PCDHGA5: variants seen among roughly 807,000 people sequenced by gnomAD.
PCDHGA5 encodes protocadherin gamma subfamily A, 5, also known as protocadherin gamma-A5.
A neutral mutation model predicts 56.7 loss-of-function variants in PCDHGA5; 36 were observed. The ratio of observed to expected loss-of-function variants is 0.64; its 90% confidence interval spans 0.49 to 0.84. The LOEUF is 0.84. Ranked by LOEUF, PCDHGA5 falls within the 40% of genes least tolerant of loss-of-function variation. The pLI, the probability that PCDHGA5 is intolerant of heterozygous loss-of-function variation, is 0.00. For missense variants in PCDHGA5, 1,305 were observed against 1,201.5 expected, an observed-to-expected ratio of 1.09 and a Z score of -1.27; for synonymous variants, 563 against 520.2, an observed-to-expected ratio of 1.08 and a Z score of -1.12.
At chr5:141,408,815 C>T (rs770899981) in intron 1 of PCDHGA5, 1 of 1,613,406 alleles carries the variant, frequency 6.2e-7, no homozygotes, top group Non-Finnish European at 8.5e-7. Flanking sequence ...CCGGGAAGAA[C>T]AGAGATCTCA....
intron 1 of PCDHGA5, among the ~76,000 whole-genome samples, chr5:141,451,498 C>A (rs2098717552): frequency 6.6e-6 from 1 of 152,208 alleles, no homozygotes; most frequent in South Asian, 2.1e-4. Flanking sequence ...CTCCATAGGG[C>A]AACCAGCTTC....
Position 141,510,868 on chromosome 5 carries a change from T to C in PCDHGA5, c.2570-79T>C, listed in dbSNP as rs2099883142. 40 of 1,608,466 alleles carry C rather than the reference T, an allele frequency of 2.5e-5. No homozygotes were observed. The Middle Eastern group carries it at 4.9e-4, about 20-fold the overall frequency. On this transcript the variant is annotated intron_variant, in intron 3 of 3. Transcript: ENST00000518069. The stretch of plus-strand genomic sequence containing the variant: ...GCCCAGGGTGCTGTATAGGCATTCA[T>C]TAACTGCTGGGGATATAAGACAGTG...
Position 141,375,902 on chromosome 5 carries a change from C to A in PCDHGA5, c.2421+9151C>A. The stretch of plus-strand genomic sequence containing the variant: ...GGGCCAGAACGCCTGGCTGTCCTAC[C>A]GCCTGCTCAAGGCCAGCGAGCCAGG... On this transcript the variant is annotated intron_variant, in intron 1 of 3. Coordinates refer to ENST00000518069, the MANE Select transcript of PCDHGA5 (RefSeq NM_018918.3). 5 of 1,613,784 alleles carry A rather than the reference C, an allele frequency of 3.1e-6. No individual in the cohort carries two copies. The Admixed American group carries it at 5.0e-5, about 16-fold the overall frequency.
rs779686795 is a variant in PCDHGA5, at chr5:141,476,566, G to A, written c.2422-18241G>A. On this transcript the variant is annotated intron_variant, in intron 1 of 3. Coordinates refer to ENST00000518069, the MANE Select transcript of PCDHGA5 (RefSeq NM_018918.3). The surrounding 1 kb of genome is among the most constrained non-coding windows in gnomAD (Gnocchi z 7.6). ...TGGAGATTAGCGAGGCCGTGGCTCC[G>A]GGGACGCGCTTTCCGCTCGAGAGCG... The A allele has an allele frequency of 1.2e-6, 2 of 1,614,062 alleles. No homozygotes were observed. Among genetic ancestry groups the A allele is most frequent in the East Asian group, 2.2e-5 (1 of 44,872 alleles).
chr5:141,426,960 A>G, intron 1 of PCDHGA5: 1 of 456,776 alleles, frequency 2.2e-6, no homozygotes, highest in South Asian at 1.5e-5. Context: ...CACTGCTGCA[A>G]TTCAAATTGA....
Position 141,370,276 on chromosome 5 carries a change from C to G in PCDHGA5, c.2421+3525C>G, listed in dbSNP as rs1259059865. The G allele has an allele frequency of 3.6e-6, 3 of 839,228 alleles. No homozygotes were observed. The African/African-American group carries it at 5.1e-5, about 14-fold the overall frequency. 52.0% of individuals were successfully genotyped at this position (839,228 alleles called of 1,614,324 possible). ...ATCAGGCTTCCTGCAGCGGAGACAC[C>G]CATTAGAGAACCCAAGCACAAAGAC... On this transcript the variant is annotated intron_variant, in intron 1 of 3. Coordinates refer to ENST00000518069, the MANE Select transcript of PCDHGA5 (RefSeq NM_018918.3).
Position 141,505,488 on chromosome 5 carries a change from G to A in PCDHGA5, c.2569+7G>A. On this transcript the variant is annotated splice_region_variant and intron_variant, in intron 3 of 3. Transcript: ENST00000518069. Reference sequence around the variant, plus strand: ...ATCTTGGCGTCCGCCAGTGGTAAGTGGTGTCAGTGTGTGTATGGAAGAGTG... The same window carrying A: ...ATCTTGGCGTCCGCCAGTGGTAAGTAGTGTCAGTGTGTGTATGGAAGAGTG... The A allele has an allele frequency of 6.2e-7, 1 of 1,614,222 alleles. No individual in the cohort carries two copies. The highest frequency in any genetic ancestry group is 8.5e-7 in the Non-Finnish European group (1 of 1,180,018).
chr5:141,466,674 T>C (rs2099127051), intron 1 of PCDHGA5, among the ~76,000 whole-genome samples: 1 of 152,222 alleles, frequency 6.6e-6, no homozygotes, highest in South Asian at 2.1e-4. Flanking sequence ...TTCACCGTTC[T>C]TCCACTCAAG....
intron 1 of PCDHGA5, chr5:141,399,911 G>A: frequency 6.2e-7 from 1 of 1,612,384 alleles, no homozygotes; most frequent in Non-Finnish European, 8.5e-7. Flanking sequence ...GCAGACTCAG[G>A]ACACAACGCC....
intron 1 of PCDHGA5, among the ~76,000 whole-genome samples, chr5:141,437,614 A>G (rs113599071): frequency 3.1e-4 from 47 of 152,242 alleles, no homozygotes; most frequent in Non-Finnish European, 5.1e-4. Flanking sequence ...AATCTGCTTT[A>G]TCCCCATATA....
At chr5:141,384,418 A>G (rs761365195) in intron 1 of PCDHGA5, 4 of 1,613,972 alleles carry the variant, frequency 2.5e-6, no homozygotes, top group Non-Finnish European at 3.4e-6. Context: ...CTATGTCTCC[A>G]TAAACTCTGA....
At chr5:141,393,683 G>C (rs370409157) in intron 1 of PCDHGA5, 2 of 1,613,850 alleles carry the variant, frequency 1.2e-6, no homozygotes, top group East Asian at 4.5e-5. Flanking sequence ...AACAAACTCC[G>C]TTATTCCAGC....
At chr5:141,385,101 C>T (rs1373310406) in intron 1 of PCDHGA5, 1 of 1,614,078 alleles carries the variant, frequency 6.2e-7, no homozygotes, top group Admixed American at 1.7e-5. Flanking sequence ...GCTTGGCGAA[C>T]GTGCCCACCT....
At position 141,419,994 on chromosome 5, in the gene PCDHGA5, C is replaced by T. The variant is rs757658202; in HGVS notation, c.2421+53243C>T. 1.9e-6 allele frequency: 3 copies of T among 1,614,072 alleles called. No homozygotes were observed. Among genetic ancestry groups the T allele is most frequent in the East Asian group, 4.5e-5 (2 of 44,884 alleles). ...CTCCTCGCGGTGATTCTAGCTATTG[C>T]TCTACGCCTGCGACAGTCTTTCAGC... On this transcript the variant is annotated intron_variant, in intron 1 of 3. Coordinates refer to ENST00000518069, the MANE Select transcript of PCDHGA5 (RefSeq NM_018918.3).
At chr5:141,414,360 A>G (rs1177384414) in intron 1 of PCDHGA5, 1 of 1,613,800 alleles carries the variant, frequency 6.2e-7, no homozygotes, top group Non-Finnish European at 8.5e-7. Context: ...CGTATCTACC[A>G]TTTAAATTAG....
chr5:141,436,051 A>G (rs2097793554), intron 1 of PCDHGA5, among the ~76,000 whole-genome samples: 1 of 152,194 alleles, frequency 6.6e-6, no homozygotes, highest in Admixed American at 6.5e-5. Flanking sequence ...ATTAGTTTTC[A>G]AATAGAATTT....
chr5:141,489,111 C>G lies in PCDHGA5; in HGVS notation c.2422-5696C>G. 1.9e-6 allele frequency: 1 copy of G among 518,042 alleles called. No individual in the cohort carries two copies. Among genetic ancestry groups the G allele is most frequent in the Non-Finnish European group, 3.2e-6 (1 of 308,182 alleles). The allele number at this position is 518,042 out of a possible 1,614,324, so 32.1% of individuals were successfully genotyped here. The stretch of plus-strand genomic sequence containing the variant: ...GTGACTAAGAACTGCTGCAAGCAGG[C>G]AAACCTCCGAGCAGTTTTTAAGAGG... On this transcript the variant is annotated intron_variant, in intron 1 of 3. Coordinates refer to ENST00000518069, the MANE Select transcript of PCDHGA5 (RefSeq NM_018918.3). This position sits in a 1 kb window ranked among gnomAD's most constrained non-coding sequence, Gnocchi z 4.5.
intron 1 of PCDHGA5, chr5:141,394,886 C>CT: frequency 1.9e-6 from 3 of 1,613,890 alleles, no homozygotes; most frequent in Non-Finnish European, 2.5e-6. Context: ...GCCTTACACT[C>CT]TATCTCGTGG....
At chr5:141,428,987 T>G (rs1185184865) in intron 1 of PCDHGA5, 2 of 152,288 alleles carry the variant, frequency 1.3e-5, no homozygotes, top group Non-Finnish European at 2.9e-5. Context: ...CCCGGGTAGC[T>G]GGGACTACAG....
Sources: gnomAD v4.1 joint callset for allele counts (sites outside exome capture counted in the v4.1 genomes callset) on GRCh38, gnomAD v4.1.1 for gene constraint, Gnocchi (gnomAD v3.1) non-coding constraint, MANE v1.5 for transcripts, NCBI Gene and HGNC (gene_info 2026-07-23, HGNC 2026-07-21) for gene names.